The following HPS5 variants were observed in gnomAD, a reference collection of about 807,000 sequenced individuals.
HPS5 encodes BLOC-2 complex member HPS5.
Under a neutral mutation model 128.0 loss-of-function variants are expected in HPS5, and 83 were observed. The observed-to-expected ratio is 0.65, with a 90% CI of 0.54 to 0.78. The LOEUF (loss-of-function observed/expected upper bound fraction) is 0.78. HPS5 is among the 30% of genes least tolerant of loss of function. HPS5 has a pLI of 0.00. For missense variants in HPS5, 1,281 were observed against 1,326.2 expected (o/e 0.97, Z 0.53); for synonymous variants, 475 against 470.2 (o/e 1.01, Z -0.13).
intron 6 of HPS5, 35 bp downstream of exon 6, chr11:18,308,911 C>T: frequency 6.2e-7 from 1 of 1,610,116 alleles, no homozygotes; most frequent in African/African-American, 1.3e-5. Context: ...TTCTAAAATT[C>T]TGCATTTCTG....
rs763173664 is a variant in HPS5, at chr11:18,282,105, G to A, written c.3174C>T (p.Ser1058=). 6.2e-7 allele frequency: 1 copy of A among 1,614,160 alleles called. No homozygotes were observed. Among genetic ancestry groups the A allele is most frequent in the Non-Finnish European group, 8.5e-7 (1 of 1,180,020 alleles). The change falls in exon 22 of 23, where the codon TCC becomes TCT. Residue 1058 remains serine (S), a synonymous_variant. Transcript: ENST00000349215. ...GTGCCACATTCTCCACATTGATGGG[G>A]GAAGGCCCATCACTGAGGCTCCCAT... The part of the protein sequence containing the change: ...SLNGSLSDGP[S]PINVENVALL...
In HPS5 at chr11:18,279,178, C is replaced by T. The variant is rs1335352713; in HGVS notation, c.*704G>A. 6.6e-6 allele frequency: 1 copy of T among 152,194 alleles called. No individual in the cohort carries two copies. The highest frequency in any genetic ancestry group is 1.5e-5 in the Non-Finnish European group (1 of 68,066). 9.4% of individuals were successfully genotyped at this position (152,194 alleles called of 1,614,324 possible). Reference sequence around the variant, plus strand: ...TCTCATTGCGGCCTGGACCTCCTGGCCTCAGGTACTATGCCTAGCTAATTT... The same window carrying T: ...TCTCATTGCGGCCTGGACCTCCTGGTCTCAGGTACTATGCCTAGCTAATTT... On this transcript the variant is annotated 3_prime_UTR_variant, in exon 23 of 23. Coordinates refer to ENST00000349215, the MANE Select transcript of HPS5 (RefSeq NM_181507.2).
chr11:18,291,023 A>G lies in HPS5; in HGVS notation c.2440+419T>C, dbSNP rs535181406. Reference sequence around the variant, plus strand: ...CACTTGAGGTCAGGCGTTTGAGACCAGCTTGGCCGACATGGCAAAACCCTG... The same window carrying G: ...CACTTGAGGTCAGGCGTTTGAGACCGGCTTGGCCGACATGGCAAAACCCTG... On this transcript the variant is annotated intron_variant, in intron 16 of 22. Transcript: ENST00000349215. 2.0e-5 allele frequency among the ~76,000 whole-genome samples: 3 copies of G among 152,324 alleles called. No individual in the cohort carries two copies. The South Asian group carries it at 6.2e-4, about 32-fold the overall frequency.
intron 1 of HPS5, among the ~76,000 whole-genome samples, chr11:18,320,025 G>A (rs964068861): frequency 6.6e-6 from 1 of 151,934 alleles, no homozygotes; most frequent in Non-Finnish European, 1.5e-5. Context: ...CCTTAATCTC[G>A]GTAAAAAGAG....
At chr11:18,282,423 A>AT (rs1335712770) in intron 21 of HPS5, among the ~76,000 whole-genome samples, 22 of 150,584 alleles carry the variant, frequency 1.5e-4, no homozygotes, top group African/African-American at 4.9e-4. Flanking sequence ...ATTAACTTTA[A>AT]TTTTTTTCTT....
At chr11:18,310,651 A>G (rs1408981068) in intron 5 of HPS5, 90 bp downstream of exon 5, 3 of 1,073,968 alleles carry the variant, frequency 2.8e-6, no homozygotes, top group Admixed American at 2.1e-5. Context: ...CAAGAAATAC[A>G]GTAGATAAAA....
chr11:18,292,030 C>A lies in HPS5; in HGVS notation c.1863-11G>T. 6.3e-7 allele frequency: 1 copy of A among 1,597,752 alleles called. No homozygotes were observed. Among genetic ancestry groups the A allele is most frequent in the South Asian group, 1.1e-5 (1 of 90,696 alleles). ...TCCTGTAGCTTGGTCCTATACAAGA[C>A]AGACAAGTATGAAATTCATGTGTCA... On this transcript the variant is annotated splice_polypyrimidine_tract_variant and intron_variant, in intron 15 of 22. Transcript: ENST00000349215.
At position 18,317,832 on chromosome 11, in the gene HPS5, C is replaced by G. The variant is rs1365178974; in HGVS notation, c.27G>C (p.Glu9Asp). Residue 9 changes from glutamate to aspartate, a missense_variant, in exon 2 of 23, where the codon GAG becomes GAC. By Grantham distance (45) the Glu-to-Asp change is conservative (BLOSUM62 2). Transcript: ENST00000349215. Reference protein sequence around the residue: MAFVPVIPESYSHVLAEFE... With the variant: MAFVPVIPDSYSHVLAEFE... ...ACTCTGCAAGAACATGGCTGTAGGA[C>G]TCTGGTATCACTGGCACAAAAGCCA... 3 of 1,613,552 alleles carry G rather than the reference C, an allele frequency of 1.9e-6. No homozygotes were observed. Among genetic ancestry groups the G allele is most frequent in the Non-Finnish European group, 2.5e-6 (3 of 1,179,780 alleles).
At position 18,306,240 on chromosome 11, in the gene HPS5, C is replaced by T. The variant is rs764296457; in HGVS notation, c.719G>A (p.Arg240His). The T allele has an allele frequency of 8.1e-6, 13 of 1,613,872 alleles. No homozygotes were observed. Among genetic ancestry groups the T allele is most frequent in the Admixed American group, 6.7e-5 (4 of 60,008 alleles). The change falls in exon 7 of 23, where the codon CGC becomes CAC. Residue 240 changes from arginine to histidine, a missense_variant. Physicochemically the swap from Arg to His is conservative, Grantham distance 29 (BLOSUM62 0). Coordinates refer to ENST00000349215, the MANE Select transcript of HPS5 (RefSeq NM_181507.2). ...GGQQPLIYCA[R>H]PGSRMWEVNF... ...CACTTCCCACATCCTAGAGCCTGGG[C>T]GAGCACAATATATCAGAGGTTGCTG... is the stretch of plus-strand genomic sequence containing the variant.
intron 1 of HPS5, among the ~76,000 whole-genome samples, chr11:18,320,701 G>GGCACT (rs1283648230): frequency 6.6e-6 from 1 of 152,186 alleles, no homozygotes; most frequent in Non-Finnish European, 1.5e-5. Context: ...CTTCTACAGA[G>GGCACT]GCACTGTAGT....
intron 15 of HPS5, 126 bp downstream of exon 15, chr11:18,292,773 T>G (rs1860572648): frequency 2.5e-6 from 2 of 785,474 alleles, no homozygotes; most frequent in Admixed American, 4.0e-5. Flanking sequence ...AAAGACCATT[T>G]ATAGCAACTT....
At position 18,297,580 on chromosome 11, in the gene HPS5, T is replaced by C. The variant is rs777445345; in HGVS notation, c.1302A>G (p.Arg434=). The C allele has an allele frequency of 1.9e-6, 3 of 1,613,978 alleles. No individual in the cohort carries two copies. In the South Asian group the frequency reaches 3.3e-5, roughly 18 times the overall value. Residue 434 remains arginine, a synonymous_variant, in exon 11 of 23, where the codon AGA becomes AGG. Transcript: ENST00000349215. ...FEPLDSACSS[R]RSSISSHESF... ...TTACATGTGATGAAATGGAGCTTCT[T>C]CTACTGCTACAAGCTGAATCCAAAG...
At chr11:18,305,156 C>T (rs889569544) in intron 8 of HPS5, among the ~76,000 whole-genome samples, 5 of 152,252 alleles carry the variant, frequency 3.3e-5, no homozygotes, top group Non-Finnish European at 5.9e-5. Flanking sequence ...GGTTATGAGG[C>T]GGTTAGTAGA....
chr11:18,282,934 A>G (rs574192056), intron 21 of HPS5, among the ~76,000 whole-genome samples: 1 of 152,310 alleles, frequency 6.6e-6, no homozygotes, highest in African/African-American at 2.4e-5. Context: ...AGGGGCCTGC[A>G]TTTCTGATAA....
rs376392726 is a variant in HPS5 at position 18,296,808 on chromosome 11, G to A, written c.1500C>T (p.His500=). The A allele has an allele frequency of 5.8e-5, 93 of 1,613,820 alleles. No individual in the cohort carries two copies. The highest frequency in any genetic ancestry group is 5.0e-4 in the Admixed American group (30 of 59,990). Residue 500 remains histidine, a synonymous_variant, in exon 12 of 23, where the codon CAC becomes CAT. Coordinates refer to ENST00000349215, the MANE Select transcript of HPS5 (RefSeq NM_181507.2). The part of the protein sequence containing the change: ...EDLPDQCCGS[H]GNEDNVSHAP... ...AGACACATTCATCACCTTCATTTCC[G>A]TGTGAGCCACAACACTGATCTGGCA...
intron 15 of HPS5, among the ~76,000 whole-genome samples, chr11:18,292,491 G>A (rs375113032): frequency 4.6e-5 from 7 of 152,108 alleles, no homozygotes; most frequent in African/African-American, 1.7e-4. Context: ...ACCACGCCCA[G>A]CCTACTTCTT....
chr11:18,287,714 T>C lies in HPS5; in HGVS notation c.2562-24A>G, dbSNP rs773584405. The C allele has an allele frequency of 3.7e-6, 6 of 1,613,060 alleles. No individual in the cohort carries two copies. In the Admixed American group the frequency reaches 6.7e-5, roughly 18 times the overall value. On this transcript the variant is annotated intron_variant, in intron 17 of 22. Coordinates refer to ENST00000349215, the MANE Select transcript of HPS5 (RefSeq NM_181507.2). ...ACCTGCATTTAAAAACAAAACACTT[T>C]AGTCTCTAATTTCAGTGAAATTATA...
At chr11:18,313,049 G>A (rs941566876) in intron 2 of HPS5, among the ~76,000 whole-genome samples, 1 of 152,168 alleles carries the variant, frequency 6.6e-6, no homozygotes, top group African/African-American at 2.4e-5. Flanking sequence ...TCAGATGCTA[G>A]TATCTCCTTT....
intron 11 of HPS5, 125 bp downstream of exon 11, chr11:18,297,434 A>T: frequency 1.2e-6 from 1 of 830,674 alleles, no homozygotes. Context: ...ACAAAAGTTC[A>T]CCCCTTCCCA....
Sources: gnomAD v4.1 joint callset for allele counts (sites outside exome capture counted in the v4.1 genomes callset) on GRCh38, gnomAD v4.1.1 for gene constraint, MANE v1.5 for transcripts, NCBI Gene and HGNC (gene_info 2026-07-23, HGNC 2026-07-21) for gene names.